The following PARD3B variants were observed in gnomAD, a reference collection of about 807,000 sequenced individuals.
The protein encoded by PARD3B is partitioning defective 3 homolog B.
In PARD3B, 103 loss-of-function variants were observed where a neutral mutation model predicts 130.2. The observed-to-expected ratio is 0.79, with a 90% CI of 0.67 to 0.93. The LOEUF (loss-of-function observed/expected upper bound fraction) is 0.93. Ranked by LOEUF, PARD3B falls within the 40% of genes least tolerant of loss-of-function variation. The pLI, the probability that PARD3B is intolerant of heterozygous loss-of-function variation, is 0.00. For missense variants in PARD3B, 1,609 were observed against 1,499.2 expected, an observed-to-expected ratio of 1.07 and a Z score of -1.21; for synonymous variants, 583 against 553.2, an observed-to-expected ratio of 1.05 and a Z score of -0.76.
chr2:205,491,732 G>T (rs1222173572), intron 20 of PARD3B, among the ~76,000 whole-genome samples: 3 of 152,126 alleles, frequency 2.0e-5, no homozygotes, highest in Non-Finnish European at 4.4e-5. Context: ...ACCAAGCTAG[G>T]GATGGAAATA....
At chr2:205,285,140 G>T (rs1055683412) in intron 16 of PARD3B, among the ~76,000 whole-genome samples, 1 of 151,912 alleles carries the variant, frequency 6.6e-6, no homozygotes, top group Non-Finnish European at 1.5e-5. Context: ...CAATGTGTGG[G>T]GCAGAACTGT....
chr2:205,161,041 A>G (rs143933336), intron 11 of PARD3B, among the ~76,000 whole-genome samples: 2 of 152,308 alleles, frequency 1.3e-5, no homozygotes, highest in East Asian at 1.9e-4. Flanking sequence ...ATGTTTGTGG[A>G]TACCAGCTTG....
At position 205,265,465 on chromosome 2, in the gene PARD3B, C is replaced by A. The variant is rs1034647718; in HGVS notation, c.2185+19643C>A. Among the ~76,000 whole-genome samples the A allele has an allele frequency of 1.3e-5, 2 of 151,842 alleles. No individual in the cohort carries two copies. The highest frequency in any genetic ancestry group is 6.6e-5 in the Admixed American group (1 of 15,236). On this transcript the variant is annotated intron_variant, in intron 16 of 22. Coordinates refer to ENST00000406610, the MANE Select transcript of PARD3B (RefSeq NM_001302769.2). The surrounding 1 kb of genome is among the most constrained non-coding windows in gnomAD (Gnocchi z 4.3). ...TGTAATTTGGACATTGCTTTTCTGC[C>A]TACAAATGGGACGATTCCTGATATG... is the stretch of plus-strand genomic sequence containing the variant.
chr2:204,990,393 T>C lies in PARD3B; in HGVS notation c.394+25070T>C, dbSNP rs116584222. 8.8e-3 allele frequency among the ~76,000 whole-genome samples: 1,334 copies of C among 152,290 alleles called. 21 individuals carry two copies. The highest frequency in any genetic ancestry group is 0.03 in the African/African-American group (1,249 of 41,570). On this transcript the variant is annotated intron_variant, in intron 3 of 22. Transcript: ENST00000406610. ...CTCAAACATATCATGTTTCTTTGTG[T>C]TGGGAACATTTTGAATATTCTCTTT...
chr2:205,008,230 C>A (rs1426293310), intron 3 of PARD3B, among the ~76,000 whole-genome samples: 1 of 151,428 alleles, frequency 6.6e-6, no homozygotes, highest in Non-Finnish European at 1.5e-5. Flanking sequence ...GGAAGTTGAG[C>A]TTTAAATAAT....
At chr2:204,619,788 T>C (rs750342311) in intron 1 of PARD3B, among the ~76,000 whole-genome samples, 1 of 152,184 alleles carries the variant, frequency 6.6e-6, no homozygotes, top group Non-Finnish European at 1.5e-5. Context: ...TGTAATTGTT[T>C]AGAAATAAGA....
chr2:205,196,200 C>A (rs967686050), intron 15 of PARD3B, among the ~76,000 whole-genome samples: 1 of 152,194 alleles, frequency 6.6e-6, no homozygotes. Context: ...CATCTATGTA[C>A]ATGTCCACAT....
rs1689065832 is a variant in PARD3B at position 204,943,354 on chromosome 2, A to G, written c.223-21798A>G. 6.6e-6 allele frequency among the ~76,000 whole-genome samples: 1 copy of G among 152,092 alleles called. No individual in the cohort carries two copies. The highest frequency in any genetic ancestry group is 1.5e-5 in the Non-Finnish European group (1 of 68,016). ...CTATGATGAGAAAGAGGTTAGAGGT[A>G]GACTGGCTGCTGGAAAAGAGAAGCC... On this transcript the variant is annotated intron_variant, in intron 2 of 22. Coordinates refer to ENST00000406610, the MANE Select transcript of PARD3B (RefSeq NM_001302769.2). This position sits in a 1 kb window ranked among gnomAD's most constrained non-coding sequence, Gnocchi z 4.2.
At chr2:204,818,493 T>C (rs891195143) in intron 2 of PARD3B, among the ~76,000 whole-genome samples, 3 of 152,156 alleles carry the variant, frequency 2.0e-5, no homozygotes, top group Non-Finnish European at 4.4e-5. Flanking sequence ...AATATGTTAG[T>C]GTAGTTTCAG....
At position 205,325,070 on chromosome 2, in the gene PARD3B, C is replaced by A. The variant is rs192087870; in HGVS notation, c.2630+23369C>A. On this transcript the variant is annotated intron_variant, in intron 18 of 22. Coordinates refer to ENST00000406610, the MANE Select transcript of PARD3B (RefSeq NM_001302769.2). The surrounding 1 kb of genome is among the most constrained non-coding windows in gnomAD (Gnocchi z 4.1). ...TCACTGCACTTCCTTAGTTCAAATT[C>A]TCCTAATTTCTCCCCAAATTAAAGC... 1.3e-5 allele frequency among the ~76,000 whole-genome samples: 2 copies of A among 152,262 alleles called. No individual in the cohort carries two copies. The highest frequency in any genetic ancestry group is 1.9e-4 in the East Asian group (1 of 5,176).
chr2:205,553,658 A>T (rs2052749185), intron 22 of PARD3B, among the ~76,000 whole-genome samples: 1 of 152,212 alleles, frequency 6.6e-6, no homozygotes, highest in South Asian at 2.1e-4. Context: ...ACTAAATGGA[A>T]ATCCTAAGCC....
chr2:204,592,312 G>A (rs1041835700), intron 1 of PARD3B, among the ~76,000 whole-genome samples: 1 of 152,190 alleles, frequency 6.6e-6, no homozygotes, highest in African/African-American at 2.4e-5. Context: ...CCTAGTGGAC[G>A]AAAAAGAGCA....
At chr2:204,885,540 T>C (rs2046242263) in intron 2 of PARD3B, among the ~76,000 whole-genome samples, 1 of 152,212 alleles carries the variant, frequency 6.6e-6, no homozygotes, top group Non-Finnish European at 1.5e-5. Context: ...TTTTGCTTCT[T>C]CTTCATGAAA....
intron 5 of PARD3B, 24 bp downstream of exon 5, chr2:205,104,538 A>G (rs1232578130): frequency 7.4e-6 from 10 of 1,356,138 alleles, no homozygotes; most frequent in Middle Eastern, 3.6e-4. Context: ...ACAGATAAGA[A>G]TATCTGATTT....
At chr2:204,618,244 G>A (rs1180659412) in intron 1 of PARD3B, among the ~76,000 whole-genome samples, 1 of 152,160 alleles carries the variant, frequency 6.6e-6, no homozygotes, top group Non-Finnish European at 1.5e-5. Flanking sequence ...AGAGGGAACA[G>A]TGTGCCCTGA....
In PARD3B at chr2:205,274,140, A is replaced by G. The variant is rs143548645; in HGVS notation, c.2186-26390A>G. ...CTATTTTATTTTCCCTCATATGTATATATATCTTTATCTTAGATAAATTAC... is the reference window on the plus strand; with the variant it reads ...CTATTTTATTTTCCCTCATATGTATGTATATCTTTATCTTAGATAAATTAC... On this transcript the variant is annotated intron_variant, in intron 16 of 22. Coordinates refer to ENST00000406610, the MANE Select transcript of PARD3B (RefSeq NM_001302769.2). This position sits in a 1 kb window ranked among gnomAD's most constrained non-coding sequence, Gnocchi z 4.2. Among the ~76,000 whole-genome samples the G allele has an allele frequency of 2.6e-3, 398 of 152,284 alleles. 2 individuals carry two copies. The highest frequency in any genetic ancestry group is 9.3e-3 in the African/African-American group (385 of 41,552).
intron 2 of PARD3B, among the ~76,000 whole-genome samples, chr2:204,748,086 A>T (rs1321550606): frequency 6.6e-6 from 1 of 152,168 alleles, no homozygotes; most frequent in Non-Finnish European, 1.5e-5. Context: ...TTGAGTTCTT[A>T]CTGATAATAT....
chr2:204,840,441 A>G (rs890879651), intron 2 of PARD3B, among the ~76,000 whole-genome samples: 1 of 152,160 alleles, frequency 6.6e-6, no homozygotes, highest in Non-Finnish European at 1.5e-5. Flanking sequence ...GGGACCCAGA[A>G]TCTTTGTTTT....
At chr2:205,069,545 T>G (rs1700593717) in intron 4 of PARD3B, among the ~76,000 whole-genome samples, 1 of 152,160 alleles carries the variant, frequency 6.6e-6, no homozygotes. Context: ...TATTCTTTGC[T>G]CATTATTCAT....
Sources: gnomAD v4.1 joint callset for allele counts (sites outside exome capture counted in the v4.1 genomes callset) on GRCh38, gnomAD v4.1.1 for gene constraint, Gnocchi (gnomAD v3.1) non-coding constraint, MANE v1.5 for transcripts, NCBI Gene and HGNC (gene_info 2026-07-23, HGNC 2026-07-21) for gene names.